The following XPO7 variants were observed in gnomAD, a reference collection of about 807,000 sequenced individuals.
XPO7 encodes exportin 7, also known as exportin-7.
In XPO7, 21 loss-of-function variants were observed where a neutral mutation model predicts 144.3. That is an observed-to-expected ratio of 0.15 (90% CI 0.10 to 0.21). The LOEUF (loss-of-function observed/expected upper bound fraction) is 0.21, where lower values mean the gene tolerates loss of function less well. Ranked by LOEUF, XPO7 falls within the 10% of genes least tolerant of loss-of-function variation. The pLI, the probability that XPO7 is intolerant of heterozygous loss-of-function variation, is 1.00. For synonymous variants in XPO7, 580 were observed against 499.6 expected (o/e 1.16, Z -2.15); for missense variants, 808 against 1,325.8 (o/e 0.61, Z 6.06).
chr8:21,933,075 A>G (rs1332374076), intron 1 of XPO7, among the ~76,000 whole-genome samples: 1 of 150,326 alleles, frequency 6.7e-6, no homozygotes, highest in African/African-American at 2.4e-5. Flanking sequence ...CATGATGGAA[A>G]TTTACTTCTC....
In XPO7 at chr8:22,001,360, A is replaced by G. The variant is rs148149859; in HGVS notation, c.2783-752A>G. 5.9e-4 allele frequency among the ~76,000 whole-genome samples: 89 copies of G among 152,106 alleles called. 1 individual carries two copies. The highest frequency in any genetic ancestry group is 1.9e-3 in the African/African-American group (78 of 41,490). On this transcript the variant is annotated intron_variant, in intron 24 of 27. Coordinates refer to ENST00000252512, the MANE Select transcript of XPO7 (RefSeq NM_015024.5). ...AAGTAGAGGGACGTTTGCATAAACT[A>G]TCAGTCCCGTAGGAATCAGAGACTT...
chr8:21,984,975 T>C, intron 12 of XPO7, 136 bp downstream of exon 12: 3 of 896,654 alleles, frequency 3.3e-6, no homozygotes, highest in Non-Finnish European at 5.0e-6. Flanking sequence ...TGCACAAGAA[T>C]CTTTATGAAT....
At chr8:21,974,175 C>T (rs1443880633) in intron 5 of XPO7, among the ~76,000 whole-genome samples, 1 of 152,024 alleles carries the variant, frequency 6.6e-6, no homozygotes, top group Non-Finnish European at 1.5e-5. Context: ...AGGCATGCAC[C>T]ACCACACCGA....
intron 20 of XPO7, among the ~76,000 whole-genome samples, chr8:21,994,792 G>A (rs1207937734): frequency 2.0e-5 from 3 of 152,146 alleles, no homozygotes; most frequent in Admixed American, 6.5e-5. Flanking sequence ...GGTGGCTCAC[G>A]CCTGTAATCC....
At chr8:21,987,077 T>C in intron 13 of XPO7, 64 bp from the exon 14 acceptor site, 2 of 1,605,472 alleles carry the variant, frequency 1.2e-6, no homozygotes, top group Non-Finnish European at 1.7e-6. Context: ...TCAAGATAGC[T>C]TGGGTTGTCT....
At chr8:21,978,515 A>G (rs1480007818) in intron 8 of XPO7, among the ~76,000 whole-genome samples, 1 of 152,138 alleles carries the variant, frequency 6.6e-6, no homozygotes. Context: ...ATTAATGTAG[A>G]CCTTTGTGTT....
chr8:21,953,931 T>C (rs1181865065), intron 1 of XPO7, among the ~76,000 whole-genome samples: 1 of 152,214 alleles, frequency 6.6e-6, no homozygotes, highest in Non-Finnish European at 1.5e-5. Flanking sequence ...GCAGAGGTTT[T>C]CTCCCATTTG....
intron 1 of XPO7, among the ~76,000 whole-genome samples, chr8:21,930,013 G>A (rs892551028): frequency 5.9e-5 from 9 of 152,132 alleles, no homozygotes; most frequent in African/African-American, 2.2e-4. Context: ...GCTGAAGTAG[G>A]AATCTAAATG....
chr8:21,991,321 T>A (rs4872209), intron 18 of XPO7, among the ~76,000 whole-genome samples: 88,119 of 152,016 alleles, frequency 0.58, 26,159 homozygotes, highest in African/African-American at 0.73. Flanking sequence ...AGAAGGGCTT[T>A]ATCACTTTTG....
At chr8:21,990,198 T>G in intron 16 of XPO7, 146 bp from the exon 17 acceptor site, 1 of 757,938 alleles carries the variant, frequency 1.3e-6, no homozygotes. Flanking sequence ...GAGAATGCAT[T>G]TTTTCATATT....
intron 1 of XPO7, among the ~76,000 whole-genome samples, chr8:21,939,122 T>C (rs1325924104): frequency 6.6e-6 from 1 of 152,216 alleles, no homozygotes; most frequent in Admixed American, 6.5e-5. Context: ...TATTCTTATT[T>C]TGTTCTTTAC....
intron 8 of XPO7, 21 bp downstream of exon 8, chr8:21,977,864 C>T: frequency 1.2e-6 from 2 of 1,604,772 alleles, no homozygotes; most frequent in Non-Finnish European, 1.7e-6. Flanking sequence ...ACTACCGTTT[C>T]TTAAAGCAAA....
intron 1 of XPO7, among the ~76,000 whole-genome samples, chr8:21,945,022 A>G (rs892451027): frequency 2.6e-5 from 4 of 152,228 alleles, no homozygotes; most frequent in Non-Finnish European, 5.9e-5. Context: ...ACACAGACAC[A>G]GTAACAATCT....
Position 21,976,394 on chromosome 8 carries a change from G to C in XPO7, c.636G>C (p.Gln212His). 1 of 1,613,940 alleles carries C rather than the reference G, an allele frequency of 6.2e-7. No individual in the cohort carries two copies. The highest frequency in any genetic ancestry group is 8.5e-7 in the Non-Finnish European group (1 of 1,179,868). Residue 212 changes from glutamine to histidine, a missense_variant, in exon 7 of 28, where the codon CAG (glutamine) becomes CAC (histidine). By Grantham distance (24) the Gln-to-His change is conservative (BLOSUM62 0). Transcript: ENST00000252512. ...ATCTAAACTTGAATGATGAAAGTCA[G>C]CATGGCTTGCTCATGCAACTGCTCA... ...GKNLNLNDESQHGLLMQLLKL... is the reference protein window; with the variant it reads ...GKNLNLNDESHHGLLMQLLKL...
At chr8:21,928,580 C>T (rs1471899233) in intron 1 of XPO7, among the ~76,000 whole-genome samples, 1 of 152,134 alleles carries the variant, frequency 6.6e-6, no homozygotes, top group South Asian at 2.1e-4. Flanking sequence ...TTTTGCCTTT[C>T]TAGTAGGATC....
intron 13 of XPO7, among the ~76,000 whole-genome samples, chr8:21,986,298 C>T (rs1377679536): frequency 6.6e-6 from 1 of 152,100 alleles, no homozygotes; most frequent in Non-Finnish European, 1.5e-5. Context: ...TGATTACAGG[C>T]ATGCGTCACC....
intron 2 of XPO7, 127 bp downstream of exon 2, chr8:21,967,130 C>T (rs1427247313): frequency 7.6e-7 from 1 of 1,312,686 alleles, no homozygotes; most frequent in Non-Finnish European, 1.0e-6. Flanking sequence ...GACTTATTTT[C>T]ACTTTTAAGA....
chr8:21,998,770 G>C lies in XPO7; in HGVS notation c.2361G>C (p.Gln787His). The C allele has an allele frequency of 1.9e-6, 3 of 1,613,934 alleles. No homozygotes were observed. The highest frequency in any genetic ancestry group is 2.5e-6 in the Non-Finnish European group (3 of 1,179,884). The change falls in exon 22 of 28, where the codon CAG becomes CAC. Residue 787 changes from glutamine (Q) to histidine (H), a missense_variant. By Grantham distance (24) the Gln-to-His change is conservative. Transcript: ENST00000252512. ...CTCTGCTCAGGTCCCAGCGACTCCA[G>C]TTTGATGTCTCTTCCCCCAATGGCA... ...ELVHNRSQRL[Q>H]FDVSSPNGIL...
intron 19 of XPO7, among the ~76,000 whole-genome samples, chr8:21,992,775 G>C (rs922400090): frequency 2.6e-5 from 4 of 152,118 alleles, no homozygotes; most frequent in African/African-American, 9.7e-5. Context: ...GTCATTTCTT[G>C]ATTGTTGCTT....
Sources: allele counts gnomAD v4.1 joint callset (sites outside exome capture counted in the v4.1 genomes callset), GRCh38; gene constraint gnomAD v4.1.1; transcripts MANE v1.5; gene names NCBI Gene and HGNC (gene_info 2026-07-23, HGNC 2026-07-21).